MAML2: variants seen among roughly 807,000 people sequenced by gnomAD.
MAML2 encodes the protein mastermind like transcriptional coactivator 2.
In MAML2, 22 loss-of-function variants were observed where a neutral mutation model predicts 96.1. The ratio of observed to expected loss-of-function variants is 0.23; its 90% CI spans 0.16 to 0.33. The LOEUF (loss-of-function observed/expected upper bound fraction) is 0.33. Among genes scored for constraint, MAML2 ranks in the 10% least tolerant of loss-of-function variants. MAML2 has a pLI of 1.00. For synonymous variants in MAML2, 561 were observed against 521.3 expected, an observed-to-expected ratio of 1.08 and a Z score of -1.04; for missense variants, 1,367 against 1,392.4, an observed-to-expected ratio of 0.98 and a Z score of 0.29.
At chr11:96,184,235 G>A (rs1184630524) in intron 1 of MAML2, among the ~76,000 whole-genome samples, 2 of 152,186 alleles carry the variant, frequency 1.3e-5, no homozygotes, top group Non-Finnish European at 2.9e-5. Context: ...GAGGTCAGGA[G>A]TTCGAGACCA....
intron 1 of MAML2, among the ~76,000 whole-genome samples, chr11:96,221,967 A>G (rs1347341710): frequency 6.6e-6 from 1 of 151,794 alleles, no homozygotes; most frequent in Non-Finnish European, 1.5e-5. Context: ...GTTTCACCTC[A>G]TTTCCTCCCA....
chr11:96,057,909 C>T lies in MAML2; in HGVS notation c.2139+33983G>A, dbSNP rs113761555. Reference sequence around the variant, plus strand: ...GGGATATTGTTTTGTATAGAACTTTCCGGGTTTCTCTTTTAATATCGAGCA... The same window carrying T: ...GGGATATTGTTTTGTATAGAACTTTTCGGGTTTCTCTTTTAATATCGAGCA... On this transcript the variant is annotated intron_variant, in intron 2 of 4. Coordinates refer to ENST00000524717, the MANE Select transcript of MAML2 (RefSeq NM_032427.4). 9.2e-3 allele frequency among the ~76,000 whole-genome samples: 1,397 copies of T among 152,316 alleles called. 18 individuals are homozygous for T. Among genetic ancestry groups the T allele is most frequent in the South Asian group, 0.046 (222 of 4,822 alleles).
At chr11:96,204,024 G>A (rs1861862824) in intron 1 of MAML2, among the ~76,000 whole-genome samples, 1 of 152,134 alleles carries the variant, frequency 6.6e-6, no homozygotes, top group Non-Finnish European at 1.5e-5. Context: ...GGATACAGCG[G>A]GAACCCAGGG....
intron 1 of MAML2, among the ~76,000 whole-genome samples, chr11:96,196,330 G>T (rs1861730662): frequency 6.6e-6 from 1 of 152,228 alleles, no homozygotes; most frequent in Admixed American, 6.5e-5. Flanking sequence ...GTCAGCTTCA[G>T]ACAAGGACTC....
At chr11:96,162,176 C>CTTTTTTTTT (rs36006515) in intron 1 of MAML2, among the ~76,000 whole-genome samples, 1 of 105,954 alleles carries the variant, frequency 9.4e-6, no homozygotes, top group Non-Finnish European at 1.9e-5. Flanking sequence ...ATCAATCTAA[C>CTTTTTTTTT]TTTTTTTTTT....
chr11:96,162,456 G>C (rs1009358380), intron 1 of MAML2, among the ~76,000 whole-genome samples: 1 of 152,020 alleles, frequency 6.6e-6, no homozygotes, highest in Admixed American at 6.6e-5. Context: ...GCTCACACCT[G>C]TAATCCTAGC....
chr11:96,251,900 T>A (rs1477030950), intron 1 of MAML2, among the ~76,000 whole-genome samples: 2 of 151,754 alleles, frequency 1.3e-5, no homozygotes, highest in Non-Finnish European at 2.9e-5. Flanking sequence ...CACAGCTAAT[T>A]TTTTTGTATT....
chr11:95,979,704 G>A lies in MAML2; in HGVS notation c.2715C>T (p.Asn905=). The A allele has an allele frequency of 1.9e-6, 3 of 1,613,934 alleles. No individual in the cohort carries two copies. Among genetic ancestry groups the A allele is most frequent in the Non-Finnish European group, 2.5e-6 (3 of 1,179,864 alleles). The stretch of plus-strand genomic sequence containing the variant: ...AGGTAGGTGGCCGTGGCATCATAGG[G>A]TTGTTTTGATTTGCTAACAATTGCT... ...NPKQLLANQN[N]PMMPRPPTLG... Residue 905 remains asparagine (N), a synonymous_variant, in exon 5 of 5, where the codon AAC becomes AAT. Coordinates refer to ENST00000524717, the MANE Select transcript of MAML2 (RefSeq NM_032427.4).
At chr11:96,076,743 C>T (rs1221904829) in intron 2 of MAML2, among the ~76,000 whole-genome samples, 1 of 152,202 alleles carries the variant, frequency 6.6e-6, no homozygotes, top group Admixed American at 6.5e-5. Flanking sequence ...TTGGGAACGT[C>T]TTGCTCTGAA....
At chr11:96,244,763 C>G (rs1181117694) in intron 1 of MAML2, among the ~76,000 whole-genome samples, 2 of 152,162 alleles carry the variant, frequency 1.3e-5, no homozygotes, top group Non-Finnish European at 2.9e-5. Context: ...CCTGGACTCT[C>G]AGAGCAATCA....
intron 1 of MAML2, among the ~76,000 whole-genome samples, chr11:96,106,818 C>A (rs535850240): frequency 1.3e-5 from 2 of 152,224 alleles, no homozygotes; most frequent in South Asian, 2.1e-4. Context: ...TTAACTCCCC[C>A]CTACCCAAAA....
At chr11:96,226,702 A>T (rs1411259660) in intron 1 of MAML2, among the ~76,000 whole-genome samples, 1 of 152,216 alleles carries the variant, frequency 6.6e-6, no homozygotes, top group East Asian at 1.9e-4. Context: ...TCAATTCTTA[A>T]TTGAGCATAT....
At chr11:96,265,175 A>G (rs1862809222) in intron 1 of MAML2, among the ~76,000 whole-genome samples, 1 of 152,214 alleles carries the variant, frequency 6.6e-6, no homozygotes. Context: ...AATTGCCAGT[A>G]CAAGCAGGCA....
chr11:96,249,549 C>A (rs1862555203), intron 1 of MAML2, among the ~76,000 whole-genome samples: 1 of 152,132 alleles, frequency 6.6e-6, no homozygotes, highest in Non-Finnish European at 1.5e-5. Context: ...CCAACAATAT[C>A]CCTCCAGCTC....
chr11:96,303,215 A>C (rs1409179627), intron 1 of MAML2, among the ~76,000 whole-genome samples: 1 of 152,220 alleles, frequency 6.6e-6, no homozygotes, highest in Non-Finnish European at 1.5e-5. Context: ...CATGACTCAC[A>C]CATTCAACAG....
chr11:96,075,436 A>T (rs753540453), intron 2 of MAML2, among the ~76,000 whole-genome samples: 2 of 152,178 alleles, frequency 1.3e-5, no homozygotes, highest in Non-Finnish European at 2.9e-5. Flanking sequence ...GGTGTCTATT[A>T]TTATCTGTCT....
intron 1 of MAML2, among the ~76,000 whole-genome samples, chr11:96,121,780 A>ATGTTTTTTTTTTTTT (rs1860346034): frequency 2.8e-5 from 1 of 35,238 alleles, no homozygotes; most frequent in African/African-American, 1.3e-4. Flanking sequence ...CAACTGCGTG[A>ATGTTTTTTTTTTTTT]TTTTTTTTTT....
chr11:96,095,824 A>C (rs1277493924), intron 1 of MAML2, among the ~76,000 whole-genome samples: 1 of 152,216 alleles, frequency 6.6e-6, no homozygotes, highest in South Asian at 2.1e-4. Context: ...AGTGATGAAC[A>C]ATTTGCAGCA....
chr11:95,993,473 A>G (rs1443148818), intron 2 of MAML2, among the ~76,000 whole-genome samples: 1 of 152,154 alleles, frequency 6.6e-6, no homozygotes. Context: ...CAGGAGGCTG[A>G]GGCATGAGAA....
Sources: gnomAD v4.1 joint callset for allele counts (sites outside exome capture counted in the v4.1 genomes callset) on GRCh38, gnomAD v4.1.1 for gene constraint, MANE v1.5 for transcripts, NCBI Gene and HGNC (gene_info 2026-07-23, HGNC 2026-07-21) for gene names.